Variants in TBX15 observed in about 807,000 individuals in gnomAD.
The protein encoded by TBX15 is T-box transcription factor TBX15.
TBX15 carries 18 observed loss-of-function variants against 53.9 expected under a neutral mutation model. The observed-to-expected ratio is 0.33, with a 90% confidence interval of 0.23 to 0.49. The LOEUF is 0.49. Ranked by LOEUF, TBX15 falls within the 20% of genes least tolerant of loss-of-function variation. TBX15 has a pLI of 0.98. For missense variants in TBX15, 692 were observed against 749.5 expected, an observed-to-expected ratio of 0.92 and a Z score of 0.90; for synonymous variants, 295 against 278.0, an observed-to-expected ratio of 1.06 and a Z score of -0.61.
At chr1:118,935,931 C>T (rs888926646) in intron 1 of TBX15, among the ~76,000 whole-genome samples, 1 of 152,144 alleles carries the variant, frequency 6.6e-6, no homozygotes, top group African/African-American at 2.4e-5. Context: ...TGAAAACTAA[C>T]ATGTACTAGA....
At chr1:118,957,648 T>G (rs562844753) in intron 1 of TBX15, among the ~76,000 whole-genome samples, 2 of 152,066 alleles carry the variant, frequency 1.3e-5, no homozygotes, top group African/African-American at 4.8e-5. Flanking sequence ...CAGGCCGCGG[T>G]GTGTGATGTT....
intron 6 of TBX15, among the ~76,000 whole-genome samples, chr1:118,905,568 G>A (rs1234722096): frequency 1.3e-5 from 2 of 152,208 alleles, no homozygotes; most frequent in Non-Finnish European, 2.9e-5. Flanking sequence ...CCAGCACAGG[G>A]CCAGCTACCT....
At chr1:118,892,987 C>T (rs539376872) in intron 7 of TBX15, among the ~76,000 whole-genome samples, 29 of 152,166 alleles carry the variant, frequency 1.9e-4, no homozygotes, top group Non-Finnish European at 3.4e-4. Context: ...AATCCCAGCA[C>T]TTTGGGAGGC....
intron 2 of TBX15, among the ~76,000 whole-genome samples, chr1:118,929,802 G>T (rs956421037): frequency 6.6e-6 from 1 of 151,994 alleles, no homozygotes; most frequent in African/African-American, 2.4e-5. Context: ...GGAATACAGA[G>T]ACCCAAGAGT....
intron 1 of TBX15, among the ~76,000 whole-genome samples, chr1:118,955,872 T>C (rs1656673517): frequency 6.6e-6 from 1 of 152,234 alleles, no homozygotes; most frequent in African/African-American, 2.4e-5. Context: ...CAAATAGTTA[T>C]CCTTCCAGGC....
At chr1:118,941,049 C>T (rs1481000000) in intron 1 of TBX15, among the ~76,000 whole-genome samples, 3 of 152,152 alleles carry the variant, frequency 2.0e-5, no homozygotes, top group East Asian at 1.9e-4. Context: ...CATCCTAAGG[C>T]TCTTGGCATT....
At chr1:118,893,509 A>G (rs112738946) in intron 7 of TBX15, among the ~76,000 whole-genome samples, 29 of 134,422 alleles carry the variant, frequency 2.2e-4, no homozygotes, top group African/African-American at 8.9e-4. Context: ...AAAGAAAGAA[A>G]GAAAGAAAGA....
At chr1:118,894,899 C>A (rs537891126) in intron 7 of TBX15, among the ~76,000 whole-genome samples, 19 of 152,256 alleles carry the variant, frequency 1.2e-4, no homozygotes, top group Admixed American at 2.6e-4. Flanking sequence ...TAGGATATTG[C>A]TCTCCTATAG....
At chr1:118,928,541 C>G (rs1205759496) in intron 2 of TBX15, among the ~76,000 whole-genome samples, 1 of 152,108 alleles carries the variant, frequency 6.6e-6, no homozygotes, top group South Asian at 2.1e-4. Context: ...AAGTAATTCC[C>G]TTCTTAATAA....
chr1:118,914,684 C>T, intron 5 of TBX15, among the ~76,000 whole-genome samples: 1 of 152,270 alleles, frequency 6.6e-6, no homozygotes, highest in East Asian at 1.9e-4. Flanking sequence ...ACTGCATTTG[C>T]CATTTCACTG....
In TBX15 at chr1:118,947,004, G is replaced by A. The variant is rs569100589; in HGVS notation, c.206-15172C>T. ...GTCTGCACAGCAAGTCTGCTGTTGCGGGACTTGCAGTCCAATCCCCTCACT... is the reference window on the plus strand; with the variant it reads ...GTCTGCACAGCAAGTCTGCTGTTGCAGGACTTGCAGTCCAATCCCCTCACT... On this transcript the variant is annotated intron_variant, in intron 1 of 7. Transcript: ENST00000369429. Among the ~76,000 whole-genome samples, 11 of 152,242 alleles carry A rather than the reference G, an allele frequency of 7.2e-5. No homozygotes were observed. In the South Asian group the frequency reaches 1.0e-3, roughly 14 times the overall value.
intron 1 of TBX15, among the ~76,000 whole-genome samples, chr1:118,958,259 C>T (rs1388283335): frequency 6.6e-6 from 1 of 152,298 alleles, no homozygotes; most frequent in East Asian, 1.9e-4. Flanking sequence ...TTCTCTCTCT[C>T]TACCATGTGG....
At chr1:118,956,144 ATCTTGGACT>A (rs1656682946) in intron 1 of TBX15, among the ~76,000 whole-genome samples, 2 of 152,148 alleles carry the variant, frequency 1.3e-5, no homozygotes, top group South Asian at 4.1e-4. Context: ...CACCACCTTG[ATCTTGGACT>A]TCCCAGCCTT....
chr1:118,890,445 T>C (rs931879692), intron 7 of TBX15, among the ~76,000 whole-genome samples: 1 of 152,156 alleles, frequency 6.6e-6, no homozygotes, highest in African/African-American at 2.4e-5. Context: ...ATCTGTAGGA[T>C]CTGTAGGATC....
At chr1:118,980,732 C>G (rs1301100704) in intron 1 of TBX15, among the ~76,000 whole-genome samples, 1 of 152,250 alleles carries the variant, frequency 6.6e-6, no homozygotes, top group Middle Eastern at 3.4e-3. Flanking sequence ...ATACAAATTA[C>G]AAAATTAAAT....
chr1:118,951,078 A>G (rs867471398), intron 1 of TBX15, among the ~76,000 whole-genome samples: 8 of 152,386 alleles, frequency 5.2e-5, no homozygotes, highest in Middle Eastern at 3.4e-3. Flanking sequence ...CCATGTAGCT[A>G]TCTATAAAAA....
In TBX15 at chr1:118,987,557, G is replaced by T; in HGVS notation, c.205+34C>A. The T allele has an allele frequency of 2.6e-6, 4 of 1,533,814 alleles. 1 individual carries two copies. Among genetic ancestry groups the T allele is most frequent in the South Asian group, 1.2e-5 (1 of 83,420 alleles). ...ACTGGCCCTTCGGCGTCCCCTCTCC[G>T]CCCGCCTCCCGCGGTCGGCTGCGAC... On this transcript the variant is annotated intron_variant, in intron 1 of 7. Coordinates refer to ENST00000369429, the MANE Select transcript of TBX15 (RefSeq NM_001330677.2).
At chr1:118,897,548 C>T (rs1036970394) in intron 7 of TBX15, among the ~76,000 whole-genome samples, 1 of 152,172 alleles carries the variant, frequency 6.6e-6, no homozygotes, top group Non-Finnish European at 1.5e-5. Flanking sequence ...AAATCAATGA[C>T]ACATTTTTGT....
chr1:118,933,855 C>A (rs966705433), intron 1 of TBX15, among the ~76,000 whole-genome samples: 5 of 152,074 alleles, frequency 3.3e-5, no homozygotes, highest in Admixed American at 2.6e-4. Context: ...CAAAAAGTTA[C>A]AAAATTCACC....
Sources: gnomAD v4.1 joint callset for allele counts (sites outside exome capture counted in the v4.1 genomes callset) on GRCh38, gnomAD v4.1.1 for gene constraint, MANE v1.5 for transcripts, NCBI Gene and HGNC (gene_info 2026-07-23, HGNC 2026-07-21) for gene names.